The following ALG14 variants were observed in gnomAD, a reference collection of about 807,000 sequenced individuals.
ALG14 encodes the protein UDP-N-acetylglucosamine transferase subunit ALG14.
A neutral mutation model predicts 22.8 loss-of-function variants in ALG14; 17 were observed. That is an observed-to-expected ratio of 0.75 (90% CI 0.51 to 1.12). The LOEUF (loss-of-function observed/expected upper bound fraction) is 1.12. ALG14 is among the 50% of genes most tolerant of loss of function. The pLI, the probability that ALG14 is intolerant of heterozygous loss-of-function variation, is 0.00. For missense variants in ALG14, 288 were observed against 271.8 expected, an observed-to-expected ratio of 1.06 and a Z score of -0.42; for synonymous variants, 89 against 103.7, an observed-to-expected ratio of 0.86 and a Z score of 0.86.
intron 2 of ALG14, among the ~76,000 whole-genome samples, chr1:95,055,336 A>T (rs57950891): frequency 0.046 from 7,014 of 152,280 alleles, 216 homozygotes; most frequent in South Asian, 0.087. Context: ...TAGTAAGTAG[A>T]TCTTCTAAGA....
chr1:95,036,043 A>C (rs1674182065), intron 2 of ALG14, among the ~76,000 whole-genome samples: 2 of 152,210 alleles, frequency 1.3e-5, no homozygotes, highest in South Asian at 2.1e-4. Context: ...AATTTACCAC[A>C]AAATTTTTTT....
At chr1:94,999,352 T>TC (rs1411131494) in intron 3 of ALG14, among the ~76,000 whole-genome samples, 1 of 149,036 alleles carries the variant, frequency 6.7e-6, no homozygotes, top group East Asian at 1.9e-4. Flanking sequence ...CATTTTTTTT[T>TC]TTTTTTTTTT....
chr1:95,064,661 T>C (rs977774970), intron 2 of ALG14, among the ~76,000 whole-genome samples: 6 of 152,240 alleles, frequency 3.9e-5, no homozygotes, highest in Non-Finnish European at 2.9e-5. Context: ...AACTTTTTGA[T>C]GTGCTAAGCA....
intron 3 of ALG14, among the ~76,000 whole-genome samples, chr1:94,989,174 G>T (rs1237040936): frequency 1.3e-5 from 2 of 152,066 alleles, no homozygotes; most frequent in African/African-American, 4.8e-5. Flanking sequence ...AAATCATATT[G>T]TTATGAACAT....
At chr1:95,014,931 T>G (rs1673461244) in intron 3 of ALG14, among the ~76,000 whole-genome samples, 1 of 152,204 alleles carries the variant, frequency 6.6e-6, no homozygotes, top group South Asian at 2.1e-4. Flanking sequence ...AGAAAAAGAC[T>G]CGAGTTCCTA....
At chr1:95,028,991 T>C (rs1269457111) in intron 2 of ALG14, among the ~76,000 whole-genome samples, 1 of 152,218 alleles carries the variant, frequency 6.6e-6, no homozygotes, top group Non-Finnish European at 1.5e-5. Flanking sequence ...ATTCCAGATA[T>C]ATTGGTTACC....
At position 94,980,275 on chromosome 1, in the gene ALG14, C is replaced by T. The variant is rs1298041448; in HGVS notation, c.*2801G>A. The T allele has an allele frequency of 6.6e-6, 1 of 152,140 alleles. No homozygotes were observed. Among genetic ancestry groups the T allele is most frequent in the African/African-American group, 2.4e-5 (1 of 41,442 alleles). The allele number at this position is 152,140 out of a possible 1,614,324, so 9.4% of individuals were successfully genotyped here. On this transcript the variant is annotated 3_prime_UTR_variant, in exon 4 of 4. Transcript: ENST00000370205. Reference sequence around the variant, plus strand: ...CTTGTTGACACGGTTTCATAGCACTCTTCGTTCCAGGCTAAAGTTTCCTGT... The same window carrying T: ...CTTGTTGACACGGTTTCATAGCACTTTTCGTTCCAGGCTAAAGTTTCCTGT...
chr1:95,072,726 C>T (rs995749145), intron 1 of ALG14, 37 bp downstream of exon 1: 2 of 1,605,406 alleles, frequency 1.2e-6, no homozygotes, highest in African/African-American at 1.4e-5. Flanking sequence ...TTTGTAGTGA[C>T]CAACCCAAGT....
At chr1:95,063,070 A>C (rs1444625828) in intron 2 of ALG14, among the ~76,000 whole-genome samples, 1 of 152,012 alleles carries the variant, frequency 6.6e-6, no homozygotes, top group East Asian at 1.9e-4. Flanking sequence ...GCTTTCTTTC[A>C]TATGTTTGTT....
chr1:95,049,865 C>T (rs1035095270), intron 2 of ALG14, among the ~76,000 whole-genome samples: 1 of 151,450 alleles, frequency 6.6e-6, no homozygotes, highest in East Asian at 1.9e-4. Context: ...AGAGAGATCC[C>T]GTCCCAAAAA....
At chr1:95,036,795 T>C (rs1249824386) in intron 2 of ALG14, among the ~76,000 whole-genome samples, 1 of 152,188 alleles carries the variant, frequency 6.6e-6, no homozygotes, top group Non-Finnish European at 1.5e-5. Context: ...AACAGACTAA[T>C]ACAGTCCCAT....
At chr1:94,984,576 C>T (rs1672588916) in intron 3 of ALG14, among the ~76,000 whole-genome samples, 2 of 152,224 alleles carry the variant, frequency 1.3e-5, no homozygotes, top group African/African-American at 4.8e-5. Context: ...TACCTACCAT[C>T]TACAAATCCC....
At position 95,064,990 on chromosome 1, in the gene ALG14, A is replaced by T; in HGVS notation, c.164T>A (p.Leu55Gln). The part of the protein sequence containing the change: ...SGGHTTEILR[L>Q]LGSLSNAYSP... ...GTAGGCATTGGACAAGCTCCCAAGC[A>T]GCCTCAGGATCTCAGTGGTATGCCC... The change falls in exon 2 of 4, where the codon CTG becomes CAG. Residue 55 changes from leucine (L) to glutamine (Q), a missense_variant. By Grantham distance (113) the Leu-to-Gln change is moderately radical. Coordinates refer to ENST00000370205, the MANE Select transcript of ALG14 (RefSeq NM_144988.4). 6.2e-7 allele frequency: 1 copy of T among 1,613,714 alleles called. No homozygotes were observed. Among genetic ancestry groups the T allele is most frequent in the Non-Finnish European group, 8.5e-7 (1 of 1,179,784 alleles).
intron 2 of ALG14, among the ~76,000 whole-genome samples, chr1:95,054,047 A>T (rs1030515146): frequency 3.3e-5 from 5 of 152,226 alleles, no homozygotes; most frequent in Admixed American, 6.5e-5. Context: ...CAACAAAAAA[A>T]TGAATATTAA....
At chr1:95,009,933 T>A (rs1229986688) in intron 3 of ALG14, among the ~76,000 whole-genome samples, 2 of 152,176 alleles carry the variant, frequency 1.3e-5, no homozygotes, top group Middle Eastern at 3.2e-3. Flanking sequence ...TTTGTGTAAG[T>A]TTAACATGAT....
intron 3 of ALG14, among the ~76,000 whole-genome samples, chr1:95,008,596 A>G (rs1673280893): frequency 6.6e-6 from 1 of 152,154 alleles, no homozygotes; most frequent in Non-Finnish European, 1.5e-5. Flanking sequence ...AACCCTATAT[A>G]TTGGATTTAA....
intron 2 of ALG14, among the ~76,000 whole-genome samples, chr1:95,039,456 A>G (rs1674313113): frequency 6.6e-6 from 1 of 152,114 alleles, no homozygotes; most frequent in Admixed American, 6.5e-5. Flanking sequence ...AGCAGTGAGA[A>G]GGGAGATTTA....
chr1:95,055,060 T>C (rs1419556596), intron 2 of ALG14, among the ~76,000 whole-genome samples: 2 of 152,200 alleles, frequency 1.3e-5, no homozygotes, highest in African/African-American at 2.4e-5. Flanking sequence ...TTATCTCACA[T>C]GCAGAAAAGA....
intron 2 of ALG14, among the ~76,000 whole-genome samples, chr1:95,029,219 AT>A (rs1673920066): frequency 3.3e-5 from 5 of 152,122 alleles, no homozygotes; most frequent in African/African-American, 1.2e-4. Flanking sequence ...ATGGCTGGCC[AT>A]TTAGTGCTGA....
Sources: gnomAD v4.1 joint callset for allele counts (sites outside exome capture counted in the v4.1 genomes callset) on GRCh38, gnomAD v4.1.1 for gene constraint, MANE v1.5 for transcripts, NCBI Gene and HGNC (gene_info 2026-07-23, HGNC 2026-07-21) for gene names.